Variants in PLXDC2 observed in about 807,000 individuals in gnomAD.
PLXDC2 encodes the protein plexin domain containing 2.
A neutral mutation model predicts 68.9 loss-of-function variants in PLXDC2; 40 were observed. That is an observed-to-expected ratio of 0.58 (90% CI 0.45 to 0.76). The LOEUF (loss-of-function observed/expected upper bound fraction) is 0.76. Among genes scored for constraint, PLXDC2 ranks in the 30% least tolerant of loss-of-function variants. PLXDC2 has a pLI of 0.00. For missense variants in PLXDC2, 644 were observed against 661.9 expected, an observed-to-expected ratio of 0.97 and a Z score of 0.30; for synonymous variants, 243 against 234.2, an observed-to-expected ratio of 1.04 and a Z score of -0.34.
intron 1 of PLXDC2, among the ~76,000 whole-genome samples, chr10:19,984,727 T>G (rs899669505): frequency 6.6e-6 from 1 of 152,174 alleles, no homozygotes; most frequent in Admixed American, 6.5e-5. Flanking sequence ...CTGACAACAG[T>G]GTTTCTTCAA....
At chr10:19,991,707 T>G (rs183524127) in intron 1 of PLXDC2, among the ~76,000 whole-genome samples, 1 of 152,196 alleles carries the variant, frequency 6.6e-6, no homozygotes, top group Non-Finnish European at 1.5e-5. Flanking sequence ...GGAATGAGAT[T>G]GAGTCTATCA....
intron 3 of PLXDC2, among the ~76,000 whole-genome samples, chr10:20,067,197 A>G (rs1052515844): frequency 5.3e-5 from 8 of 152,194 alleles, no homozygotes; most frequent in Non-Finnish European, 1.0e-4. Context: ...ATTAAGAGCT[A>G]AAGTTCGTGG....
At chr10:20,156,692 A>T (rs955864248) in intron 6 of PLXDC2, among the ~76,000 whole-genome samples, 1 of 152,118 alleles carries the variant, frequency 6.6e-6, no homozygotes, top group Admixed American at 6.5e-5. Context: ...TTAGGAATTG[A>T]TCGTTTGATG....
At chr10:19,851,624 C>T (rs1436685702) in intron 1 of PLXDC2, among the ~76,000 whole-genome samples, 1 of 152,190 alleles carries the variant, frequency 6.6e-6, no homozygotes, top group African/African-American at 2.4e-5. Flanking sequence ...TGGCTCACTG[C>T]AACCTCCACC....
At chr10:19,876,979 T>C (rs886632934) in intron 1 of PLXDC2, among the ~76,000 whole-genome samples, 26 of 152,154 alleles carry the variant, frequency 1.7e-4, no homozygotes, top group Non-Finnish European at 1.5e-4. Context: ...ATTGCCCACA[T>C]TGAAAGAAGG....
chr10:19,862,132 A>G (rs965880260), intron 1 of PLXDC2, among the ~76,000 whole-genome samples: 3 of 152,190 alleles, frequency 2.0e-5, no homozygotes, highest in African/African-American at 2.4e-5. Flanking sequence ...GAATATAATA[A>G]TTAAAAATTA....
chr10:19,864,268 A>C (rs1837374340), intron 1 of PLXDC2, among the ~76,000 whole-genome samples: 1 of 152,188 alleles, frequency 6.6e-6, no homozygotes, highest in Admixed American at 6.5e-5. Flanking sequence ...GGCCTCCCAA[A>C]GAGCTGGGAT....
intron 1 of PLXDC2, among the ~76,000 whole-genome samples, chr10:19,820,136 T>A (rs1391141794): frequency 6.6e-6 from 1 of 152,190 alleles, no homozygotes; most frequent in Non-Finnish European, 1.5e-5. Flanking sequence ...AAAGGTAATT[T>A]TTGTTGTTGT....
intron 1 of PLXDC2, among the ~76,000 whole-genome samples, chr10:19,887,598 G>A (rs1837872739): frequency 6.6e-6 from 1 of 152,098 alleles, no homozygotes. Context: ...GTGAAATGTT[G>A]CCTCAAGAGT....
At chr10:20,166,091 A>C (rs557728983) in intron 7 of PLXDC2, among the ~76,000 whole-genome samples, 1 of 152,254 alleles carries the variant, frequency 6.6e-6, no homozygotes, top group East Asian at 1.9e-4. Flanking sequence ...ATAATTTATC[A>C]CATGCTCATG....
intron 1 of PLXDC2, among the ~76,000 whole-genome samples, chr10:19,931,114 C>T (rs1833624208): frequency 6.6e-6 from 1 of 152,192 alleles, no homozygotes; most frequent in Non-Finnish European, 1.5e-5. Context: ...GGAAGGAGAG[C>T]TTGTCTGGTT....
At chr10:20,031,761 A>G (rs1334738045) in intron 2 of PLXDC2, among the ~76,000 whole-genome samples, 2 of 152,110 alleles carry the variant, frequency 1.3e-5, no homozygotes, top group Non-Finnish European at 2.9e-5. Context: ...CAAAGTTCTA[A>G]TCACTATAAT....
chr10:20,157,999 A>G (rs1343283156), intron 6 of PLXDC2, among the ~76,000 whole-genome samples: 1 of 152,030 alleles, frequency 6.6e-6, no homozygotes, highest in Non-Finnish European at 1.5e-5. Context: ...CCCAGTTAAA[A>G]TTTAGCTTTG....
Position 20,230,210 on chromosome 10 carries a change from T to C in PLXDC2, c.1312+11108T>C, listed in dbSNP as rs575372302. Reference sequence around the variant, plus strand: ...CTATGCTGTGTATAAGAAATGTATGTGAAAAATAAAGACAAAGATATAAAA... The same window carrying C: ...CTATGCTGTGTATAAGAAATGTATGCGAAAAATAAAGACAAAGATATAAAA... On this transcript the variant is annotated intron_variant, in intron 12 of 13. Coordinates refer to ENST00000377252, the MANE Select transcript of PLXDC2 (RefSeq NM_032812.9). Among the ~76,000 whole-genome samples, 5 of 152,256 alleles carry C rather than the reference T, an allele frequency of 3.3e-5. No individual in the cohort carries two copies. In the South Asian group the frequency reaches 1.0e-3, roughly 32 times the overall value.
chr10:20,180,213 T>C (rs778413858), intron 9 of PLXDC2, among the ~76,000 whole-genome samples: 14 of 151,966 alleles, frequency 9.2e-5, no homozygotes, highest in Non-Finnish European at 1.8e-4. Context: ...AAGAAATTCA[T>C]CAAAGAACGC....
At chr10:20,190,419 G>C (rs759613243) in intron 9 of PLXDC2, among the ~76,000 whole-genome samples, 1 of 151,690 alleles carries the variant, frequency 6.6e-6, no homozygotes, top group African/African-American at 2.4e-5. Flanking sequence ...TAGAGGACAA[G>C]GATATAAAAA....
At chr10:19,831,838 T>G (rs1836698953) in intron 1 of PLXDC2, among the ~76,000 whole-genome samples, 1 of 152,196 alleles carries the variant, frequency 6.6e-6, no homozygotes, top group Admixed American at 6.5e-5. Flanking sequence ...TGATGTACAT[T>G]TAGGTTGATT....
chr10:20,238,423 T>C (rs1008639794), intron 12 of PLXDC2, among the ~76,000 whole-genome samples: 33 of 150,066 alleles, frequency 2.2e-4, no homozygotes, highest in Non-Finnish European at 4.6e-4. Flanking sequence ...GAAACACATG[T>C]ATCACTTGAG....
chr10:19,935,341 GC>G (rs1388806361), intron 1 of PLXDC2, among the ~76,000 whole-genome samples: 1 of 152,224 alleles, frequency 6.6e-6, no homozygotes, highest in Admixed American at 6.5e-5. Context: ...GGTGGTGTGG[GC>G]CTGGAGTGAG....
Sources: gnomAD v4.1 joint callset for allele counts (sites outside exome capture counted in the v4.1 genomes callset) on GRCh38, gnomAD v4.1.1 for gene constraint, MANE v1.5 for transcripts, NCBI Gene and HGNC (gene_info 2026-07-23, HGNC 2026-07-21) for gene names.